RAD52: variants seen among roughly 807,000 people sequenced by gnomAD.
The protein encoded by RAD52 is RAD52 DNA repair protein, also known as DNA repair protein RAD52 homolog.
Under a neutral mutation model 55.5 loss-of-function variants are expected in RAD52, and 47 were observed. The observed-to-expected ratio is 0.85, with a 90% CI of 0.67 to 1.08. The LOEUF is 1.08. Among genes scored for constraint, RAD52 ranks in the 50% least tolerant of loss-of-function variants. RAD52 has a pLI of 0.00. For missense variants in RAD52, 468 were observed against 522.8 expected, an observed-to-expected ratio of 0.90 and a Z score of 1.02; for synonymous variants, 184 against 198.9, an observed-to-expected ratio of 0.92 and a Z score of 0.63.
intron 7 of RAD52, among the ~76,000 whole-genome samples, chr12:920,885 A>C (rs186897592): frequency 6.6e-6 from 1 of 152,236 alleles, no homozygotes; most frequent in Non-Finnish European, 1.5e-5. Flanking sequence ...TCCAAGACAG[A>C]CTACATGTTA....
chr12:938,125 T>C (rs1373291191), intron 1 of RAD52, among the ~76,000 whole-genome samples: 1 of 152,198 alleles, frequency 6.6e-6, no homozygotes, highest in African/African-American at 2.4e-5. Context: ...CGGCAAAAGA[T>C]GCCTTTACAA....
In RAD52 at chr12:956,592, G is replaced by C. The variant is rs191354791; in HGVS notation, c.-18-23516C>G. On this transcript the variant is annotated intron_variant, in intron 1 of 11. Transcript: ENST00000430095. ...GACAGAATCTTGCTGCTTGACTCAG[G>C]CTGGAGTGCAGTGGTGTGATATTGG... Among the ~76,000 whole-genome samples the C allele has an allele frequency of 6.2e-4, 95 of 152,270 alleles. 3 individuals carry two copies. The East Asian group carries it at 0.014, about 22-fold the overall frequency.
Position 912,751 on chromosome 12 carries a change from A to AAAAAC in RAD52, c.*639_*640insGTTTT. On this transcript the variant is annotated 3_prime_UTR_variant, in exon 12 of 12. Transcript: ENST00000358495. ...AAAAAAAAAAAAAAAAAAAACAAAA[A>AAAAAC]ACAGCCTTTTTTCGTGGTCTTAGAT... The AAAAAC allele has an allele frequency of 5.9e-6, 1 of 170,430 alleles. No homozygotes were observed. Among genetic ancestry groups the AAAAAC allele is most frequent in the South Asian group, 2.0e-4 (1 of 4,900 alleles). The allele number at this position is 170,430 out of a possible 1,614,324, so 10.6% of individuals were successfully genotyped here.
At chr12:975,832 G>A (rs1211829835) in intron 1 of RAD52, 1 of 152,186 alleles carries the variant, frequency 6.6e-6, no homozygotes, top group Non-Finnish European at 1.5e-5. Flanking sequence ...TAAAGCCAAT[G>A]TCAATTCTTA....
chr12:954,496 G>A (rs965868616), upstream of RAD52, among the ~76,000 whole-genome samples: 1 of 152,012 alleles, frequency 6.6e-6, no homozygotes, highest in Non-Finnish European at 1.5e-5. Context: ...GCCAGGTGTG[G>A]TGACACGCAC....
chr12:981,210 G>A (rs1959010384), intron 1 of RAD52, among the ~76,000 whole-genome samples: 1 of 151,906 alleles, frequency 6.6e-6, no homozygotes, highest in Non-Finnish European at 1.5e-5. Context: ...GCAAGTGGCT[G>A]TAGTCCCAGC....
chr12:952,315 G>T (rs746899984), upstream of RAD52, among the ~76,000 whole-genome samples: 1 of 152,028 alleles, frequency 6.6e-6, no homozygotes, highest in Non-Finnish European at 1.5e-5. Context: ...TCTCAGGCTT[G>T]TCTTAAACTC....
intron 1 of RAD52, 146 bp downstream of exon 1, chr12:949,456 G>A (rs1592456979): frequency 6.6e-6 from 1 of 152,340 alleles, no homozygotes; most frequent in South Asian, 2.1e-4. Context: ...ACTAGAACAG[G>A]CCTCTGGACT....
Position 928,517 on chromosome 12 carries a change from C to CA in RAD52, c.349-1255dup, listed in dbSNP as rs1217187888. ...GGGCAACAAGAGCAAAACTCCATCTCAAAAAAAAAAAAGAAGTAAGTAATA... is the reference window on the plus strand; with the variant it reads ...GGGCAACAAGAGCAAAACTCCATCTCAAAAAAAAAAAAAGAAGTAAGTAATA... On this transcript the variant is annotated intron_variant, in intron 5 of 11. Transcript: ENST00000358495. Among the ~76,000 whole-genome samples, 662 of 115,528 alleles carry CA rather than the reference C, an allele frequency of 5.7e-3. 4 individuals are homozygous for CA. Among genetic ancestry groups the CA allele is most frequent in the African/African-American group, 0.019 (590 of 30,884 alleles). The allele number at this position is 115,528 out of a possible 152,430, so 75.8% of individuals were successfully genotyped here. A position where few individuals can be genotyped will look rare whatever the true frequency, so the allele number is the denominator to read the frequency against.
chr12:932,847 CTCACACACGTACTAG>C lies in RAD52; in HGVS notation c.84+113_84+127del, dbSNP rs1252452944. 161 of 678,344 alleles carry C rather than the reference CTCACACACGTACTAG, an allele frequency of 2.4e-4. 1 individual carries two copies. The highest frequency in any genetic ancestry group is 5.2e-4 in the Middle Eastern group (2 of 3,828). The allele number at this position is 678,344 out of a possible 1,614,324, so 42.0% of individuals were successfully genotyped here. A position where few individuals can be genotyped will look rare whatever the true frequency, so the allele number is the denominator to read the frequency against. On this transcript the variant is annotated intron_variant, in intron 2 of 11. Transcript: ENST00000358495. ...TACTAGGTAAACGTACTAGGTACTG[CTCACACACGTACTAG>C]GTAAACGTACTAGGTACTGCTCACA... is the stretch of plus-strand genomic sequence containing the variant.
At chr12:931,422 C>A in intron 2 of RAD52, 101 bp from the exon 3 acceptor site, 1 of 851,678 alleles carries the variant, frequency 1.2e-6, no homozygotes, top group East Asian at 2.8e-5. Context: ...AAAAGACCCC[C>A]CAGAACCTTT....
At chr12:956,309 T>G (rs187101455) in intron 1 of RAD52, among the ~76,000 whole-genome samples, 2 of 152,290 alleles carry the variant, frequency 1.3e-5, no homozygotes, top group East Asian at 1.9e-4. Context: ...CCTCAGCACT[T>G]AGAACAACCC....
chr12:965,677 GTTGT>G (rs750525127), intron 1 of RAD52, among the ~76,000 whole-genome samples: 3 of 151,288 alleles, frequency 2.0e-5, no homozygotes, highest in Non-Finnish European at 4.4e-5. Context: ...TTTTGTAGTT[GTTGT>G]TTGTTTGCTT....
chr12:922,863 C>G (rs1168469928), intron 7 of RAD52, among the ~76,000 whole-genome samples: 1 of 151,976 alleles, frequency 6.6e-6, no homozygotes, highest in African/African-American at 2.4e-5. Flanking sequence ...CAGAATCTCA[C>G]TCTGTCTCCC....
intron 1 of RAD52, among the ~76,000 whole-genome samples, chr12:971,028 T>A (rs1229390837): frequency 6.6e-6 from 1 of 152,184 alleles, no homozygotes; most frequent in Non-Finnish European, 1.5e-5. Context: ...ATGTCACCAT[T>A]TTTTTCCATG....
chr12:925,567 G>A (rs1565661239), intron 6 of RAD52, 42 bp from the exon 7 acceptor site: 2 of 1,458,904 alleles, frequency 1.4e-6, no homozygotes, highest in African/African-American at 2.8e-5. Flanking sequence ...GTTAAGAATT[G>A]TTACACATGA....
At chr12:964,037 G>A (rs892276495) in intron 1 of RAD52, among the ~76,000 whole-genome samples, 2 of 152,096 alleles carry the variant, frequency 1.3e-5, no homozygotes, top group African/African-American at 4.8e-5. Flanking sequence ...AGTGTCGGAG[G>A]TACAACATGA....
At chr12:987,883 G>C in intron 1 of RAD52, among the ~76,000 whole-genome samples, 1 of 151,804 alleles carries the variant, frequency 6.6e-6, no homozygotes. Flanking sequence ...TTTCTTTTTT[G>C]AAATAAGGTC....
intron 1 of RAD52, among the ~76,000 whole-genome samples, chr12:957,517 GGCTCATGCCTGTAA>G (rs1252004702): frequency 6.6e-6 from 1 of 151,150 alleles, no homozygotes; most frequent in African/African-American, 2.4e-5. Context: ...TGGGCACGGT[GGCTCATGCCTGTAA>G]TCTCAGCAGT....
Sources: gnomAD v4.1 joint callset for allele counts (sites outside exome capture counted in the v4.1 genomes callset) on GRCh38, gnomAD v4.1.1 for gene constraint, MANE v1.5 for transcripts, NCBI Gene and HGNC (gene_info 2026-07-23, HGNC 2026-07-21) for gene names.